PSMD5: variants seen among roughly 807,000 people sequenced by gnomAD.
The protein encoded by PSMD5 is 26S proteasome non-ATPase regulatory subunit 5.
Under a neutral mutation model 52.1 loss-of-function variants are expected in PSMD5, and 40 were observed. That is an observed-to-expected ratio of 0.77 (90% CI 0.60 to 1.00). The LOEUF (loss-of-function observed/expected upper bound fraction) is 1.00. Among genes scored for constraint, PSMD5 ranks in the 50% least tolerant of loss-of-function variants. PSMD5 has a pLI of 0.00. For synonymous variants in PSMD5, 211 were observed against 226.6 expected (o/e 0.93, Z 0.62); for missense variants, 575 against 605.2 (o/e 0.95, Z 0.52).
intron 1 of PSMD5, among the ~76,000 whole-genome samples, chr9:120,836,325 T>C (rs1023214953): frequency 3.9e-5 from 6 of 152,158 alleles, no homozygotes; most frequent in African/African-American, 1.4e-4. Flanking sequence ...CAGTAGAATC[T>C]CACTGTAATT....
At position 120,833,401 on chromosome 9, in the gene PSMD5, G is replaced by A. The variant is rs771456394; in HGVS notation, c.229C>T (p.Pro77Ser). Reference sequence around the variant, plus strand: ...CTGAGGTTCCGGGCCACGTGAACCGGTTCCATAGCTTGGAGCAATCTCTCC... The same window carrying A: ...CTGAGGTTCCGGGCCACGTGAACCGATTCCATAGCTTGGAGCAATCTCTCC... ...ILERLLQAME[P>S]VHVARNLRVD... The change falls in exon 2 of 10, where the codon CCG becomes TCG. Residue 77 changes from proline to serine, a missense_variant. Pro to Ser is a moderately conservative substitution (Grantham distance 74, BLOSUM62 -1). Coordinates refer to ENST00000210313, the MANE Select transcript of PSMD5 (RefSeq NM_005047.4). 6.2e-7 allele frequency: 1 copy of A among 1,613,958 alleles called. No homozygotes were observed. Among genetic ancestry groups the A allele is most frequent in the Non-Finnish European group, 8.5e-7 (1 of 1,179,852 alleles).
rs1278975730 is a variant in PSMD5, at chr9:120,817,585, T to C, written c.*321A>G. The stretch of plus-strand genomic sequence containing the variant: ...CGCGCCCAGCCCTGAAGCAGGCTTT[T>C]AGATAAGATTGCATGTCCATGAAAA... On this transcript the variant is annotated 3_prime_UTR_variant, in exon 10 of 10. Transcript: ENST00000210313. 5 of 250,508 alleles carry C rather than the reference T, an allele frequency of 2.0e-5. No homozygotes were observed. The highest frequency in any genetic ancestry group is 3.1e-5 in the Non-Finnish European group (4 of 129,388). 15.5% of individuals were successfully genotyped at this position (250,508 alleles called of 1,614,324 possible).
intron 9 of PSMD5, 118 bp downstream of exon 9, chr9:120,820,721 A>G (rs1380400250): frequency 9.0e-6 from 9 of 995,814 alleles, no homozygotes; most frequent in Non-Finnish European, 1.3e-5. Context: ...AGCAGAAGGT[A>G]GAAACTATAC....
rs761635339 is a variant in PSMD5 at position 120,820,850 on chromosome 9, T to C, written c.1246A>G (p.Lys416Glu). The C allele has an allele frequency of 3.2e-6, 5 of 1,583,760 alleles. No individual in the cohort carries two copies. Among genetic ancestry groups the C allele is most frequent in the Non-Finnish European group, 4.3e-6 (5 of 1,171,346 alleles). ...PFPELHCAAL[K>E]VFTAIANQPW... is the part of the protein sequence containing the mutation. ...AAGTGAATACCTACCGTAAACACTTTTAAGGCAGCACAGTGTAGTTCAGGG... is the reference window on the plus strand; with the variant it reads ...AAGTGAATACCTACCGTAAACACTTCTAAGGCAGCACAGTGTAGTTCAGGG... The change falls in exon 9 of 10, where the codon AAA (lysine) becomes GAA (glutamate). Residue 416 changes from lysine (K) to glutamate (E), a missense_variant. Physicochemically the swap from Lys to Glu is moderately conservative, Grantham distance 56. Transcript: ENST00000210313.
In PSMD5 at chr9:120,816,557, A is replaced by T. The variant is rs960734448; in HGVS notation, c.*1349T>A. 2 of 152,206 alleles carry T rather than the reference A, an allele frequency of 1.3e-5. No homozygotes were observed. The highest frequency in any genetic ancestry group is 4.8e-5 in the African/African-American group (2 of 41,438). The allele number at this position is 152,206 out of a possible 1,614,324, so 9.4% of individuals were successfully genotyped here. A position where few individuals can be genotyped will look rare whatever the true frequency, so the allele number is the denominator to read the frequency against. ...AAAAACAGAGTCACGTTGCCAGGGG[A>T]GATGATCAATCTGGGGACTAGATAA... On this transcript the variant is annotated 3_prime_UTR_variant, in exon 10 of 10. Coordinates refer to ENST00000210313, the MANE Select transcript of PSMD5 (RefSeq NM_005047.4).
At chr9:120,842,145 A>G (rs1402574729) in intron 1 of PSMD5, 1 of 154,066 alleles carries the variant, frequency 6.5e-6, no homozygotes, top group African/African-American at 2.4e-5. Flanking sequence ...CTTGGCATTC[A>G]GTGCTTCTTT....
chr9:120,836,513 C>T (rs559385221), intron 1 of PSMD5, among the ~76,000 whole-genome samples: 99 of 151,644 alleles, frequency 6.5e-4, no homozygotes, highest in Non-Finnish European at 1.3e-3. Context: ...TCTCCTGCCT[C>T]AGCCTCCCGA....
intron 9 of PSMD5, among the ~76,000 whole-genome samples, chr9:120,818,813 C>G (rs1156433223): frequency 6.7e-6 from 1 of 148,716 alleles, no homozygotes; most frequent in East Asian, 1.9e-4. Flanking sequence ...TGGAATGATA[C>G]AAACAGCATG....
At chr9:120,830,429 A>G (rs985169261) in intron 4 of PSMD5, among the ~76,000 whole-genome samples, 17 of 152,230 alleles carry the variant, frequency 1.1e-4, no homozygotes, top group Non-Finnish European at 1.9e-4. Flanking sequence ...AAGTGAAATC[A>G]TAAGTGAGTA....
intron 1 of PSMD5, 123 bp downstream of exon 1, chr9:120,842,613 CA>C: frequency 8.3e-7 from 1 of 1,205,494 alleles, no homozygotes; most frequent in Non-Finnish European, 1.2e-6. Flanking sequence ...TCCTTCTCTG[CA>C]AATTTCGGCT....
intron 9 of PSMD5, among the ~76,000 whole-genome samples, chr9:120,818,696 C>G (rs1413960148): frequency 6.6e-6 from 1 of 151,164 alleles, no homozygotes; most frequent in Non-Finnish European, 1.5e-5. Context: ...CAATGAAATA[C>G]CAACTTTCTA....
intron 9 of PSMD5, 87 bp from the exon 10 acceptor site, chr9:120,818,250 C>T: frequency 1.5e-6 from 2 of 1,337,526 alleles, no homozygotes; most frequent in East Asian, 2.4e-5. Flanking sequence ...AGAAATCTGG[C>T]AACATGAACT....
Position 120,820,847 on chromosome 9 carries a change from C to T in PSMD5, c.1249G>A (p.Val417Met). The T allele has an allele frequency of 6.3e-7, 1 of 1,582,782 alleles. No individual in the cohort carries two copies. Among genetic ancestry groups the T allele is most frequent in the Non-Finnish European group, 8.5e-7 (1 of 1,170,836 alleles). The part of the protein sequence containing the change: ...FPELHCAALK[V>M]FTAIANQPWA... ...TGGAAGTGAATACCTACCGTAAACA[C>T]TTTTAAGGCAGCACAGTGTAGTTCA... The change falls in exon 9 of 10, where the codon GTG becomes ATG. Residue 417 changes from valine (V) to methionine (M), a missense_variant. Coordinates refer to ENST00000210313, the MANE Select transcript of PSMD5 (RefSeq NM_005047.4).
rs570224922 is a variant in PSMD5 at position 120,821,720 on chromosome 9, C to CT, written c.1007-257dup. 5.2e-3 allele frequency among the ~76,000 whole-genome samples: 795 copies of CT among 152,316 alleles called. 11 individuals are homozygous for CT. Among genetic ancestry groups the CT allele is most frequent in the Non-Finnish European group, 8.5e-3 (580 of 68,022 alleles). On this transcript the variant is annotated intron_variant, in intron 7 of 9. Transcript: ENST00000210313. ...ACTATTCTACCTCCTGTGAACTGGA[C>CT]TCTTTTAGGCATCTCATCTAAGTGG... is the stretch of plus-strand genomic sequence containing the variant.
At chr9:120,837,316 A>C (rs545951245) in intron 1 of PSMD5, among the ~76,000 whole-genome samples, 1 of 152,270 alleles carries the variant, frequency 6.6e-6, no homozygotes, top group East Asian at 1.9e-4. Context: ...GCCACCACCT[A>C]GCCTGAAGAA....
intron 7 of PSMD5, among the ~76,000 whole-genome samples, chr9:120,823,839 A>G (rs1372869928): frequency 6.6e-6 from 1 of 152,076 alleles, no homozygotes; most frequent in Non-Finnish European, 1.5e-5. Context: ...CTTAACATGA[A>G]ATCTTATAAC....
At chr9:120,830,133 TATG>T (rs1248918482) in intron 4 of PSMD5, among the ~76,000 whole-genome samples, 1 of 152,064 alleles carries the variant, frequency 6.6e-6, no homozygotes. Flanking sequence ...ATCAACAAAA[TATG>T]ATGACCGAAT....
intron 4 of PSMD5, among the ~76,000 whole-genome samples, chr9:120,830,328 A>G (rs114353689): frequency 0.011 from 1,606 of 152,292 alleles, 24 homozygotes; most frequent in African/African-American, 0.036. Context: ...CAAGGGGCCA[A>G]GAGTGAGTAA....
intron 1 of PSMD5, among the ~76,000 whole-genome samples, chr9:120,834,847 G>A (rs2045187666): frequency 6.6e-6 from 1 of 152,226 alleles, no homozygotes; most frequent in Admixed American, 6.5e-5. Flanking sequence ...TGATGAAGGA[G>A]TAAACCAGGG....
Sources: allele counts gnomAD v4.1 joint callset (sites outside exome capture counted in the v4.1 genomes callset), GRCh38; gene constraint gnomAD v4.1.1; transcripts MANE v1.5; gene names NCBI Gene and HGNC (gene_info 2026-07-23, HGNC 2026-07-21).